Variants in PRTG observed in about 807,000 individuals in gnomAD.
PRTG encodes the protein protogenin.
In PRTG, 67 loss-of-function variants were observed where a neutral mutation model predicts 122.5. The observed-to-expected ratio is 0.55, with a 90% confidence interval of 0.45 to 0.67. The LOEUF is 0.67. Ranked by LOEUF, PRTG falls within the 30% of genes least tolerant of loss-of-function variation. The pLI, the probability that PRTG is intolerant of heterozygous loss-of-function variation, is 0.00. For synonymous variants in PRTG, 554 were observed against 501.1 expected, an observed-to-expected ratio of 1.11 and a Z score of -1.41; for missense variants, 1,435 against 1,415.4, an observed-to-expected ratio of 1.01 and a Z score of -0.22.
chr15:55,724,185 A>T (rs1410476103), intron 2 of PRTG, among the ~76,000 whole-genome samples: 1 of 152,088 alleles, frequency 6.6e-6, no homozygotes, highest in Admixed American at 6.6e-5. Context: ...TGTCTGCTAG[A>T]TCTAGTTATT....
intron 11 of PRTG, among the ~76,000 whole-genome samples, chr15:55,657,400 G>T (rs1157410812): frequency 1.3e-5 from 2 of 152,078 alleles, no homozygotes; most frequent in Non-Finnish European, 2.9e-5. Flanking sequence ...ATGGAGAAAG[G>T]TGAAGGTTAA....
At chr15:55,633,212 C>T (rs996678995) in intron 15 of PRTG, among the ~76,000 whole-genome samples, 1 of 151,984 alleles carries the variant, frequency 6.6e-6, no homozygotes, top group African/African-American at 2.4e-5. Flanking sequence ...TGCTGATTTA[C>T]TGCATATGAG....
At chr15:55,658,498 A>C (rs923519078) in intron 11 of PRTG, among the ~76,000 whole-genome samples, 1 of 151,932 alleles carries the variant, frequency 6.6e-6, no homozygotes, top group Non-Finnish European at 1.5e-5. Flanking sequence ...TTGTATTTTT[A>C]GTAGAGATGG....
At chr15:55,727,016 T>C (rs911176972) in intron 2 of PRTG, among the ~76,000 whole-genome samples, 6 of 150,886 alleles carry the variant, frequency 4.0e-5, no homozygotes, top group Non-Finnish European at 7.4e-5. Flanking sequence ...GTGGAAGCAG[T>C]GCTCAGAGGG....
chr15:55,732,994 G>A (rs1347862662), intron 2 of PRTG, among the ~76,000 whole-genome samples: 6 of 151,482 alleles, frequency 4.0e-5, no homozygotes, highest in East Asian at 2.0e-4. Flanking sequence ...GGCAGACCAC[G>A]AGGTCAAGAG....
chr15:55,725,046 G>C (rs1452954541), intron 2 of PRTG, among the ~76,000 whole-genome samples: 1 of 152,162 alleles, frequency 6.6e-6, no homozygotes, highest in East Asian at 1.9e-4. Context: ...TTTTTGGTTT[G>C]TACCTCCACT....
At chr15:55,731,458 C>A (rs1465431239) in intron 2 of PRTG, among the ~76,000 whole-genome samples, 1 of 147,568 alleles carries the variant, frequency 6.8e-6, no homozygotes, top group Non-Finnish European at 1.5e-5. Context: ...GCAACCTCTG[C>A]CTCTCAGGTT....
rs2031573749 is a variant in PRTG, at chr15:55,740,485, C to T, written c.294G>A (p.Val98=). 1 of 1,614,074 alleles carries T rather than the reference C, an allele frequency of 6.2e-7. No homozygotes were observed. The highest frequency in any genetic ancestry group is 1.3e-5 in the African/African-American group (1 of 74,932). ...LSNGSLYISE[V]EGRRGEQSDE... ...CGGACTGCTCTCCTCGCCTGCCTTC[C>T]ACCTCACTGATGTATAAAGAGCCGT... Residue 98 remains valine (V), a synonymous_variant, in exon 2 of 20, where the codon GTG becomes GTA. Coordinates refer to ENST00000389286, the MANE Select transcript of PRTG (RefSeq NM_173814.6).
At position 55,694,227 on chromosome 15, in the gene PRTG, A is replaced by AT. The variant is rs1038513324; in HGVS notation, c.398-10297dup. ...TTATTTTATTTTTTACTTTACTTACATTTTTTCCTATAAAAGTATTTAATT... is the reference window on the plus strand; with the variant it reads ...TTATTTTATTTTTTACTTTACTTACATTTTTTTCCTATAAAAGTATTTAATT... On this transcript the variant is annotated intron_variant, in intron 2 of 19. Transcript: ENST00000389286. Among the ~76,000 whole-genome samples the AT allele has an allele frequency of 5.4e-4, 82 of 152,074 alleles. 1 individual carries two copies. Among genetic ancestry groups the AT allele is most frequent in the Admixed American group, 7.9e-4 (12 of 15,264 alleles).
At position 55,620,133 on chromosome 15, in the gene PRTG, G is replaced by A. The variant is rs199706747; in HGVS notation, c.3332C>T (p.Thr1111Ile). 1.1e-4 allele frequency: 170 copies of A among 1,614,176 alleles called. No individual in the cohort carries two copies. Among genetic ancestry groups the A allele is most frequent in the Admixed American group, 1.5e-4 (9 of 60,024 alleles). The change falls in exon 20 of 20, where the codon ACA (threonine) becomes ATA (isoleucine). Residue 1111 changes from threonine to isoleucine, a missense_variant. Physicochemically the swap from Thr to Ile is moderately conservative, Grantham distance 89. Coordinates refer to ENST00000389286, the MANE Select transcript of PRTG (RefSeq NM_173814.6). ...FSRPFGVAAD[T>I]EHSANSEGSH... is the part of the protein sequence containing the mutation. Reference sequence around the variant, plus strand: ...GCCTTCACTATTTGCTGAATGTTCTGTATCAGCTGCAACACCAAAGGGTCT... The same window carrying A: ...GCCTTCACTATTTGCTGAATGTTCTATATCAGCTGCAACACCAAAGGGTCT...
At chr15:55,686,737 T>A (rs938135607) in intron 2 of PRTG, among the ~76,000 whole-genome samples, 3 of 152,224 alleles carry the variant, frequency 2.0e-5, no homozygotes, top group African/African-American at 7.2e-5. Context: ...CTTACAATGA[T>A]GTTTCACTAA....
At chr15:55,681,717 T>C (rs1173841776) in intron 4 of PRTG, among the ~76,000 whole-genome samples, 1 of 152,220 alleles carries the variant, frequency 6.6e-6, no homozygotes, top group Non-Finnish European at 1.5e-5. Context: ...ATCGTGGTAT[T>C]TCTTTAAACG....
intron 2 of PRTG, among the ~76,000 whole-genome samples, chr15:55,720,524 T>C (rs1342554605): frequency 6.6e-6 from 1 of 152,236 alleles, no homozygotes; most frequent in Non-Finnish European, 1.5e-5. Flanking sequence ...AACTTTGACA[T>C]TTCTCCTTTG....
Position 55,620,025 on chromosome 15 carries a change from G to C in PRTG, c.3440C>G (p.Pro1147Arg). The C allele has an allele frequency of 6.2e-7, 1 of 1,614,082 alleles. No homozygotes were observed. The highest frequency in any genetic ancestry group is 8.5e-7 in the Non-Finnish European group (1 of 1,179,990). Reference protein sequence around the residue: ...IHLSSVISTTPPNL With the variant: ...IHLSSVISTTRPNL Reference sequence around the variant, plus strand: ...CCAGTGAAAGAATCAGAGGTTGGGGGGTGTGGTACTTATAACTGAGGACAG... The same window carrying C: ...CCAGTGAAAGAATCAGAGGTTGGGGCGTGTGGTACTTATAACTGAGGACAG... The change falls in exon 20 of 20, where the codon CCC (proline) becomes CGC (arginine). Residue 1147 changes from proline (P) to arginine (R), a missense_variant. Physicochemically the swap from Pro to Arg is moderately radical, Grantham distance 103 (BLOSUM62 -2). Transcript: ENST00000389286.
intron 11 of PRTG, among the ~76,000 whole-genome samples, chr15:55,658,564 C>G (rs2059392959): frequency 6.6e-6 from 1 of 152,184 alleles, no homozygotes; most frequent in Admixed American, 6.5e-5. Context: ...GATCCGCCCA[C>G]CTCAGCTTCC....
chr15:55,684,014 G>T, intron 2 of PRTG, 83 bp from the exon 3 acceptor site: 1 of 1,174,792 alleles, frequency 8.5e-7, no homozygotes, highest in Non-Finnish European at 1.2e-6. Context: ...ATTACTTATT[G>T]GACTTGAACC....
rs2059143880 is a variant in PRTG at position 55,616,830 on chromosome 15, A to G, written c.*3182T>C. 1 of 152,150 alleles carries G rather than the reference A, an allele frequency of 6.6e-6. No individual in the cohort carries two copies. 9.4% of individuals were successfully genotyped at this position (152,150 alleles called of 1,614,324 possible). A position where few individuals can be genotyped will look rare whatever the true frequency, so the allele number is the denominator to read the frequency against. On this transcript the variant is annotated 3_prime_UTR_variant, in exon 20 of 20. Coordinates refer to ENST00000389286, the MANE Select transcript of PRTG (RefSeq NM_173814.6). The stretch of plus-strand genomic sequence containing the variant: ...TAGCCCTTTGATATTTTTTGCTACT[A>G]AAGCTAGATTCTCTATCGGCCTCTA...
rs114377944 is a variant in PRTG, at chr15:55,662,004, A to G, written c.2041+10441T>C. 7.9e-3 allele frequency among the ~76,000 whole-genome samples: 1,210 copies of G among 152,304 alleles called. 18 individuals carry two copies. The highest frequency in any genetic ancestry group is 0.028 in the African/African-American group (1,149 of 41,564). On this transcript the variant is annotated intron_variant, in intron 11 of 19. Coordinates refer to ENST00000389286, the MANE Select transcript of PRTG (RefSeq NM_173814.6). Reference sequence around the variant, plus strand: ...CCCTCCATGTTTTAGAGCATTTCGAAAGGTGATAACTATTCAATGCTAAGG... The same window carrying G: ...CCCTCCATGTTTTAGAGCATTTCGAGAGGTGATAACTATTCAATGCTAAGG...
At chr15:55,642,118 G>A (rs1248149796) in intron 11 of PRTG, among the ~76,000 whole-genome samples, 1 of 142,382 alleles carries the variant, frequency 7.0e-6, no homozygotes, top group Non-Finnish European at 1.5e-5. Context: ...AGCTTGCAGT[G>A]AGCCGAGATT....
Sources: gnomAD v4.1 joint callset for allele counts (sites outside exome capture counted in the v4.1 genomes callset) on GRCh38, gnomAD v4.1.1 for gene constraint, MANE v1.5 for transcripts, NCBI Gene and HGNC (gene_info 2026-07-23, HGNC 2026-07-21) for gene names.